NAMPT: variants seen among roughly 807,000 people sequenced by gnomAD.
NAMPT encodes nicotinamide phosphoribosyltransferase.
In NAMPT, 7 loss-of-function variants were observed where a neutral mutation model predicts 58.7. The ratio of observed to expected loss-of-function variants is 0.12; its 90% CI spans 0.07 to 0.22. The LOEUF (loss-of-function observed/expected upper bound fraction) is 0.22, where lower values mean the gene tolerates loss of function less well. NAMPT is among the 10% of genes least tolerant of loss of function. The pLI, the probability that NAMPT is intolerant of heterozygous loss-of-function variation, is 1.00. For synonymous variants in NAMPT, 145 were observed against 198.1 expected, an observed-to-expected ratio of 0.73 and a Z score of 2.25; for missense variants, 271 against 567.9, an observed-to-expected ratio of 0.48 and a Z score of 5.31.
chr7:106,272,004 C>A, intron 4 of NAMPT: 2 of 266,808 alleles, frequency 7.5e-6, no homozygotes, highest in South Asian at 3.7e-5. Context: ...ACCCAAAGCC[C>A]AAAATGTACC....
intron 9 of NAMPT, 34 bp from the exon 10 acceptor site, chr7:106,253,185 A>T: frequency 4.4e-6 from 7 of 1,603,004 alleles, no homozygotes; most frequent in Non-Finnish European, 6.0e-6. Context: ...AGACAAGTAG[A>T]AGACTAATCA....
In NAMPT at chr7:106,270,443, T is replaced by C. The variant is rs10256178; in HGVS notation, c.448-1131A>G. 2.0e-3 allele frequency: 427 copies of C among 210,206 alleles called. 3 individuals are homozygous for C. Among genetic ancestry groups the C allele is most frequent in the African/African-American group, 9.6e-3 (405 of 42,332 alleles). The allele number at this position is 210,206 out of a possible 1,614,324, so 13.0% of individuals were successfully genotyped here. ...AAGATTAACCTTGAACTTGCCAATC[T>C]AGTCATCTTTTTAAAAAACTACTTT... On this transcript the variant is annotated intron_variant, in intron 4 of 10. Transcript: ENST00000222553.
chr7:106,285,017 C>G, upstream of NAMPT: 4 of 1,400,768 alleles, frequency 2.9e-6, no homozygotes, highest in South Asian at 2.9e-5. Context: ...GAGGGGGAAA[C>G]GGAGAGAGGG....
intron 1 of NAMPT, among the ~76,000 whole-genome samples, chr7:106,281,713 T>G (rs1358280771): frequency 6.6e-6 from 1 of 152,214 alleles, no homozygotes; most frequent in Non-Finnish European, 1.5e-5. Flanking sequence ...TCACTGCTAT[T>G]TGGCTTTGAA....
chr7:106,272,748 G>A, intron 3 of NAMPT, 90 bp from the exon 4 acceptor site: 3 of 1,409,438 alleles, frequency 2.1e-6, no homozygotes, highest in Non-Finnish European at 3.0e-6. Flanking sequence ...TTTTATAGAA[G>A]CTAAATTTAC....
intron 6 of NAMPT, among the ~76,000 whole-genome samples, chr7:106,266,706 A>G (rs1792418948): frequency 6.6e-6 from 1 of 152,204 alleles, no homozygotes; most frequent in Non-Finnish European, 1.5e-5. Context: ...GACTGCTGGA[A>G]TAGCTTCCTA....
At chr7:106,256,470 C>T (rs116033129) in intron 8 of NAMPT, among the ~76,000 whole-genome samples, 30 of 152,250 alleles carry the variant, frequency 2.0e-4, no homozygotes, top group African/African-American at 6.5e-4. Flanking sequence ...ATTTAGTATA[C>T]AAAGCAAAAC....
intron 8 of NAMPT, among the ~76,000 whole-genome samples, chr7:106,255,964 A>G (rs973099065): frequency 1.3e-5 from 2 of 152,244 alleles, no homozygotes; most frequent in African/African-American, 2.4e-5. Context: ...AAAGAACAGT[A>G]TCATCTAATA....
chr7:106,277,010 G>A lies in NAMPT; in HGVS notation c.214+13C>T. On this transcript the variant is annotated intron_variant, in intron 2 of 10. Transcript: ENST00000222553. ...AATAAGCAGTGTTTAAAATATACTA[G>A]GAAAAGTAATACCTTTTAAGTACTT... The A allele has an allele frequency of 6.4e-7, 1 of 1,558,254 alleles. No homozygotes were observed. The highest frequency in any genetic ancestry group is 8.9e-7 in the Non-Finnish European group (1 of 1,129,794).
At chr7:106,268,751 T>C (rs1792475290) in intron 5 of NAMPT, 151 bp from the exon 6 acceptor site, 1 of 635,038 alleles carries the variant, frequency 1.6e-6, no homozygotes, top group Non-Finnish European at 2.7e-6. Context: ...GACATAACAG[T>C]TCCTAATGAC....
At chr7:106,266,423 T>C (rs1792411138) in intron 6 of NAMPT, among the ~76,000 whole-genome samples, 1 of 152,222 alleles carries the variant, frequency 6.6e-6, no homozygotes, top group African/African-American at 2.4e-5. Context: ...TTTTAAAAGA[T>C]GTATGTACAT....
chr7:106,264,913 C>T (rs796726573), intron 6 of NAMPT, among the ~76,000 whole-genome samples: 6 of 151,636 alleles, frequency 4.0e-5, no homozygotes, highest in African/African-American at 1.4e-4. Context: ...AGACTTAGAA[C>T]CTTTCCCCAT....
At chr7:106,274,804 G>A (rs1403312571) in intron 3 of NAMPT, 142 bp downstream of exon 3, 12 of 576,570 alleles carry the variant, frequency 2.1e-5, no homozygotes, top group Admixed American at 9.4e-5. Flanking sequence ...GCAGTGAGCC[G>A]AGATTGTGCC....
upstream of NAMPT, chr7:106,285,594 C>G: frequency 1.0e-6 from 1 of 985,914 alleles, no homozygotes; most frequent in Non-Finnish European, 1.2e-6. Flanking sequence ...TCCCTCTTGT[C>G]CCTCCTGATC....
At chr7:106,280,288 C>T (rs1792736813) in intron 1 of NAMPT, among the ~76,000 whole-genome samples, 1 of 152,124 alleles carries the variant, frequency 6.6e-6, no homozygotes, top group Non-Finnish European at 1.5e-5. Flanking sequence ...ATTAATACCT[C>T]CCACATTTTT....
chr7:106,270,802 AT>A (rs1792516927), intron 4 of NAMPT, among the ~76,000 whole-genome samples: 1 of 152,208 alleles, frequency 6.6e-6, no homozygotes. Flanking sequence ...CCTCAGCTAA[AT>A]GCAGATGCCT....
intron 4 of NAMPT, chr7:106,270,246 C>G (rs1307495043): frequency 2.5e-6 from 1 of 392,960 alleles, no homozygotes; most frequent in Admixed American, 3.1e-5. Flanking sequence ...TCATAATTTT[C>G]TATTTTCATT....
intron 1 of NAMPT, among the ~76,000 whole-genome samples, chr7:106,282,475 G>C (rs1792785254): frequency 6.6e-6 from 1 of 152,108 alleles, no homozygotes; most frequent in South Asian, 2.1e-4. Flanking sequence ...CATAACTAAT[G>C]GATAATGCGG....
intron 6 of NAMPT, among the ~76,000 whole-genome samples, chr7:106,264,867 T>C (rs1339830600): frequency 1.3e-5 from 2 of 151,894 alleles, no homozygotes; most frequent in African/African-American, 4.8e-5. Flanking sequence ...AATCACTTTA[T>C]ACAATGTGTG....
Sources: gnomAD v4.1 joint callset for allele counts (sites outside exome capture counted in the v4.1 genomes callset) on GRCh38, gnomAD v4.1.1 for gene constraint, MANE v1.5 for transcripts, NCBI Gene and HGNC (gene_info 2026-07-23, HGNC 2026-07-21) for gene names.